ANKDD1A: variants seen among roughly 807,000 people sequenced by gnomAD.
The protein encoded by ANKDD1A is ankyrin repeat and death domain containing 1A.
In ANKDD1A, 59 loss-of-function variants were observed where a neutral mutation model predicts 63.5. The ratio of observed to expected loss-of-function variants is 0.93; its 90% confidence interval spans 0.75 to 1.15. The LOEUF is 1.15. Among genes scored for constraint, ANKDD1A ranks in the 50% most tolerant of loss-of-function variants. ANKDD1A has a pLI of 0.00. For missense variants in ANKDD1A, 632 were observed against 656.4 expected, an observed-to-expected ratio of 0.96 and a Z score of 0.41; for synonymous variants, 266 against 263.9, an observed-to-expected ratio of 1.01 and a Z score of -0.08.
chr15:64,951,608 GTTC>G (rs1341859253), intron 14 of ANKDD1A, among the ~76,000 whole-genome samples: 3 of 32,626 alleles, frequency 9.2e-5, no homozygotes, highest in Non-Finnish European at 2.0e-4. Flanking sequence ...CTTTCTTCTT[GTTC>G]CTTATTCTTC....
At chr15:64,936,581 G>A (rs1215011859) in intron 9 of ANKDD1A, among the ~76,000 whole-genome samples, 1 of 152,180 alleles carries the variant, frequency 6.6e-6, no homozygotes, top group African/African-American at 2.4e-5. Flanking sequence ...GCTCACATCT[G>A]TAATCCCAAC....
intron 12 of ANKDD1A, among the ~76,000 whole-genome samples, chr15:64,947,175 G>A (rs137970098): frequency 6.6e-6 from 1 of 152,312 alleles, no homozygotes; most frequent in East Asian, 1.9e-4. Flanking sequence ...AAGGTGAGCA[G>A]AGGAATTCCG....
rs1413675969 is a variant in ANKDD1A, at chr15:64,954,024, CT to C, written c.1484-3075del. On this transcript the variant is annotated intron_variant, in intron 14 of 14. Coordinates refer to ENST00000319580, the MANE Select transcript of ANKDD1A (RefSeq NM_182703.6). ...CCTTTCTTCTTCCTTCTTTCCTCTT[CT>C]TTTCTTTCTTCTTCCTCTTCTTCTT... Among the ~76,000 whole-genome samples the C allele has an allele frequency of 6.5e-4, 78 of 120,910 alleles. 1 individual carries two copies. The highest frequency in any genetic ancestry group is 4.1e-3 in the East Asian group (14 of 3,420). 79.3% of individuals were successfully genotyped at this position (120,910 alleles called of 152,430 possible).
At chr15:64,953,618 C>CTTCTTCTTCTTCTTAGTTCTTCTTAG (rs1555397858) in intron 14 of ANKDD1A, among the ~76,000 whole-genome samples, 22 of 19,364 alleles carry the variant, frequency 1.1e-3, no homozygotes, top group African/African-American at 1.9e-3. Flanking sequence ...TTCTCTCCTT[C>CTTCTTCTTCTTCTTAGTTCTTCTTAG]TTCTTCTTCT....
intron 12 of ANKDD1A, 67 bp downstream of exon 12, chr15:64,944,814 G>A (rs1474134952): frequency 6.5e-7 from 1 of 1,549,844 alleles, no homozygotes; most frequent in African/African-American, 1.4e-5. Context: ...AGATGGAGCT[G>A]GCTTTGAACC....
chr15:64,953,964 T>C (rs111207625), intron 14 of ANKDD1A, among the ~76,000 whole-genome samples: 932 of 36,890 alleles, frequency 0.025, 12 homozygotes, highest in African/African-American at 0.036. Flanking sequence ...TGTTTCTTTT[T>C]TTCTTCTTTC....
chr15:64,949,346 C>T (rs1014626041), intron 13 of ANKDD1A, among the ~76,000 whole-genome samples: 2 of 152,212 alleles, frequency 1.3e-5, no homozygotes, highest in African/African-American at 4.8e-5. Context: ...CTAGGTGTTT[C>T]CAAGGAGCAG....
At position 64,938,433 on chromosome 15, in the gene ANKDD1A, C is replaced by G. The variant is rs1241877794; in HGVS notation, c.868-4034C>G. 4.6e-5 allele frequency among the ~76,000 whole-genome samples: 7 copies of G among 152,096 alleles called. No homozygotes were observed. The East Asian group carries it at 1.3e-3, about 29-fold the overall frequency. Reference sequence around the variant, plus strand: ...AAAATGATACTTTATCTCTGTAATCCTCCCCCAAACTCCTAACCCCAGTCT... The same window carrying G: ...AAAATGATACTTTATCTCTGTAATCGTCCCCCAAACTCCTAACCCCAGTCT... On this transcript the variant is annotated intron_variant, in intron 9 of 14. Coordinates refer to ENST00000319580, the MANE Select transcript of ANKDD1A (RefSeq NM_182703.6).
chr15:64,918,600 CA>C (rs1193058632), intron 3 of ANKDD1A, among the ~76,000 whole-genome samples: 3 of 152,128 alleles, frequency 2.0e-5, no homozygotes, highest in Non-Finnish European at 2.9e-5. Context: ...TTTCTTCCTT[CA>C]GGGGTTTAGT....
intron 8 of ANKDD1A, chr15:64,931,824 G>A: frequency 1.7e-6 from 1 of 597,994 alleles, no homozygotes; most frequent in Non-Finnish European, 3.0e-6. Context: ...TTACATTGTT[G>A]TGAGGATTAA....
chr15:64,915,839 A>C lies in ANKDD1A; in HGVS notation c.77A>C (p.Asn26Thr). Residue 26 changes from asparagine to threonine, a missense_variant, in exon 2 of 15, where the codon AAC becomes ACC. Asn to Thr is a moderately conservative substitution (Grantham distance 65, BLOSUM62 0). Coordinates refer to ENST00000319580, the MANE Select transcript of ANKDD1A (RefSeq NM_182703.6). Reference sequence around the variant, plus strand: ...CAGCTCCACGAGGCCGCCCGCCAGAACAATGTCGGCAGGATGCAGGAGCTG... The same window carrying C: ...CAGCTCCACGAGGCCGCCCGCCAGACCAATGTCGGCAGGATGCAGGAGCTG... ...ERQLHEAARQNNVGRMQELIG... is the reference protein window; with the variant it reads ...ERQLHEAARQTNVGRMQELIG... 4 of 1,614,116 alleles carry C rather than the reference A, an allele frequency of 2.5e-6. No homozygotes were observed. The highest frequency in any genetic ancestry group is 3.4e-6 in the Non-Finnish European group (4 of 1,179,996).
Position 64,943,467 on chromosome 15 carries a change from C to T in ANKDD1A, c.967-17C>T, listed in dbSNP as rs770417745. Reference sequence around the variant, plus strand: ...TACATGCTTTTCACTTACCTATTCCCTTGGCTTCTCCCCTAGAGGCAGCAG... The same window carrying T: ...TACATGCTTTTCACTTACCTATTCCTTTGGCTTCTCCCCTAGAGGCAGCAG... On this transcript the variant is annotated splice_polypyrimidine_tract_variant and intron_variant, in intron 10 of 14. Coordinates refer to ENST00000319580, the MANE Select transcript of ANKDD1A (RefSeq NM_182703.6). 4 of 1,613,556 alleles carry T rather than the reference C, an allele frequency of 2.5e-6. No homozygotes were observed. Among genetic ancestry groups the T allele is most frequent in the Non-Finnish European group, 3.4e-6 (4 of 1,179,490 alleles).
chr15:64,939,818 A>G (rs892879683), intron 9 of ANKDD1A, among the ~76,000 whole-genome samples: 1 of 152,316 alleles, frequency 6.6e-6, no homozygotes, highest in East Asian at 1.9e-4. Context: ...AGCCTCAACT[A>G]AAACCTCACA....
chr15:64,922,132 C>A, intron 4 of ANKDD1A, 113 bp downstream of exon 4: 2 of 847,350 alleles, frequency 2.4e-6, no homozygotes, highest in Admixed American at 2.3e-5. Context: ...CCCAACCTGC[C>A]TCTGCCTGTC....
chr15:64,938,435 C>A (rs751435303), intron 9 of ANKDD1A, among the ~76,000 whole-genome samples: 6 of 152,150 alleles, frequency 3.9e-5, no homozygotes, highest in African/African-American at 1.2e-4. Flanking sequence ...CTGTAATCCT[C>A]CCCCAAACTC....
chr15:64,952,954 T>G (rs1369584201), intron 14 of ANKDD1A, among the ~76,000 whole-genome samples: 2 of 19,878 alleles, frequency 1.0e-4, no homozygotes, highest in African/African-American at 1.4e-4. Context: ...TCCTTCTCTT[T>G]CTTCCTCTTC....
In ANKDD1A at chr15:64,953,985, T is replaced by G. The variant is rs2085368916; in HGVS notation, c.1484-3118T>G. Among the ~76,000 whole-genome samples, 3 of 138,364 alleles carry G rather than the reference T, an allele frequency of 2.2e-5. No individual in the cohort carries two copies. The South Asian group carries it at 7.6e-4, about 35-fold the overall frequency. 90.8% of individuals were successfully genotyped at this position (138,364 alleles called of 152,430 possible). ...TTTTTTTCTTCTTTCTTCCTCTATC[T>G]TCTTCCTTTCTTTCCTTTCTTCTTC... On this transcript the variant is annotated intron_variant, in intron 14 of 14. Coordinates refer to ENST00000319580, the MANE Select transcript of ANKDD1A (RefSeq NM_182703.6).
At chr15:64,950,330 A>C (rs2085259620) in intron 14 of ANKDD1A, 1 of 985,432 alleles carries the variant, frequency 1.0e-6, no homozygotes, top group Non-Finnish European at 1.2e-6. Context: ...ACAAACATTA[A>C]GACATAGGAG....
chr15:64,930,930 C>A lies in ANKDD1A; in HGVS notation c.669+10C>A. Reference sequence around the variant, plus strand: ...GGAGGAGCAGAATGCGGTGAGTCACCGCCTGGGGATGGCGAGATGCATGAC... The same window carrying A: ...GGAGGAGCAGAATGCGGTGAGTCACAGCCTGGGGATGGCGAGATGCATGAC... On this transcript the variant is annotated intron_variant, in intron 7 of 14. Coordinates refer to ENST00000319580, the MANE Select transcript of ANKDD1A (RefSeq NM_182703.6). The A allele has an allele frequency of 6.2e-7, 1 of 1,608,742 alleles. No individual in the cohort carries two copies. Among genetic ancestry groups the A allele is most frequent in the Non-Finnish European group, 8.5e-7 (1 of 1,179,668 alleles).
Sources: allele counts gnomAD v4.1 joint callset (sites outside exome capture counted in the v4.1 genomes callset), GRCh38; gene constraint gnomAD v4.1.1; transcripts MANE v1.5; gene names NCBI Gene and HGNC (gene_info 2026-07-23, HGNC 2026-07-21).